ABLIM3: variants seen among roughly 807,000 people sequenced by gnomAD.
ABLIM3 encodes actin-binding LIM protein 3.
ABLIM3 carries 61 observed loss-of-function variants against 109.5 expected under a neutral mutation model. That is an observed-to-expected ratio of 0.56 (90% CI 0.45 to 0.69). The LOEUF (loss-of-function observed/expected upper bound fraction) is 0.69. Among genes scored for constraint, ABLIM3 ranks in the 30% least tolerant of loss-of-function variants. The pLI, the probability that ABLIM3 is intolerant of heterozygous loss-of-function variation, is 0.00. For missense variants in ABLIM3, 796 were observed against 889.5 expected, an observed-to-expected ratio of 0.89 and a Z score of 1.34; for synonymous variants, 300 against 324.8, an observed-to-expected ratio of 0.92 and a Z score of 0.82.
intron 2 of ABLIM3, among the ~76,000 whole-genome samples, chr5:149,175,622 C>A (rs541514267): frequency 6.6e-6 from 1 of 151,860 alleles, no homozygotes; most frequent in Admixed American, 6.6e-5. Flanking sequence ...GAAGGAGGGG[C>A]GGGCAATCCG....
chr5:149,203,740 CCACCAACACTGTCAA>C (rs1758708848), intron 5 of ABLIM3, among the ~76,000 whole-genome samples: 2 of 152,262 alleles, frequency 1.3e-5, no homozygotes, highest in Admixed American at 1.3e-4. Flanking sequence ...ACCATCATCA[CCACCAACACTGTCAA>C]CACCAACAAT....
chr5:149,185,573 T>C (rs529350235), intron 3 of ABLIM3, among the ~76,000 whole-genome samples: 37 of 152,324 alleles, frequency 2.4e-4, no homozygotes, highest in South Asian at 8.3e-4. Flanking sequence ...TTTTCACATT[T>C]ACCACACGGA....
At chr5:149,183,612 T>G (rs1288532417) in intron 3 of ABLIM3, 23 bp downstream of exon 3, 1 of 1,504,456 alleles carries the variant, frequency 6.6e-7, no homozygotes, top group Non-Finnish European at 8.9e-7. Flanking sequence ...GCTCCCCCAC[T>G]CTCTTCTTAG....
At position 149,252,835 on chromosome 5, in the gene ABLIM3, G is replaced by T. The variant is rs1342743222; in HGVS notation, c.1936G>T (p.Glu646Ter). The change falls in exon 23 of 24, where the codon GAG (glutamate) becomes TAG (stop). Residue 646 changes from glutamate (E) to a stop codon, truncating the protein, a stop_gained and splice_region_variant. Coordinates refer to ENST00000309868, the MANE Select transcript of ABLIM3 (RefSeq NM_014945.5). LOFTEE classifies it high-confidence loss of function. ...CAAGGATGTAGACAGGACCCGTTTA[G>T]AGGTAAGTCTAAAAAACTGAGCAGG... ...LPKDVDRTRL[E>*]RHLSQEEFYQ... is the part of the protein sequence containing the mutation. 6.2e-7 allele frequency: 1 copy of T among 1,612,670 alleles called. No homozygotes were observed. Among genetic ancestry groups the T allele is most frequent in the Non-Finnish European group, 8.5e-7 (1 of 1,179,042 alleles).
intron 2 of ABLIM3, among the ~76,000 whole-genome samples, chr5:149,143,811 C>T (rs1752696762): frequency 6.6e-6 from 1 of 152,120 alleles, no homozygotes; most frequent in Admixed American, 6.5e-5. Flanking sequence ...CACATGTTTG[C>T]ATTTGCATGT....
chr5:149,195,869 G>A lies in ABLIM3; in HGVS notation c.152-2350G>A, dbSNP rs148919974. The stretch of plus-strand genomic sequence containing the variant: ...ATCTCCACCACACTCCTGCCTCTTC[G>A]TAGGGGTGGGGTCGGGGGCCACAAG... On this transcript the variant is annotated intron_variant, in intron 3 of 23. Transcript: ENST00000309868. Among the ~76,000 whole-genome samples, 795 of 152,326 alleles carry A rather than the reference G, an allele frequency of 5.2e-3. 15 individuals are homozygous for A. Among genetic ancestry groups the A allele is most frequent in the African/African-American group, 0.018 (741 of 41,584 alleles).
intron 2 of ABLIM3, among the ~76,000 whole-genome samples, chr5:149,146,700 C>T (rs923563884): frequency 3.3e-5 from 5 of 152,130 alleles, no homozygotes; most frequent in African/African-American, 1.2e-4. Context: ...CAGTACCATG[C>T]TGTTTTGGTT....
At chr5:149,188,042 T>A (rs115727229) in intron 3 of ABLIM3, among the ~76,000 whole-genome samples, 7,607 of 152,236 alleles carry the variant, frequency 0.05, 578 homozygotes, top group African/African-American at 0.17. Context: ...AATTTTATAT[T>A]CTAGTGCTAT....
chr5:149,174,021 C>CAAAAAAA (rs57000637), intron 2 of ABLIM3, among the ~76,000 whole-genome samples: 1 of 40,188 alleles, frequency 2.5e-5, no homozygotes, highest in Non-Finnish European at 5.2e-5. Context: ...GACTCCGTCT[C>CAAAAAAA]AAAAAAAAAA....
chr5:149,231,773 C>T (rs541147776), intron 9 of ABLIM3, among the ~76,000 whole-genome samples: 2 of 152,152 alleles, frequency 1.3e-5, no homozygotes, highest in African/African-American at 2.4e-5. Context: ...ATGCCTGTTG[C>T]CATATCTGTG....
intron 15 of ABLIM3, 104 bp downstream of exon 15, chr5:149,242,642 G>A (rs1752968638): frequency 1.6e-6 from 2 of 1,234,062 alleles, no homozygotes; most frequent in African/African-American, 3.0e-5. Flanking sequence ...CAAAACACAA[G>A]GCTGCATCTT....
intron 16 of ABLIM3, among the ~76,000 whole-genome samples, chr5:149,245,751 C>T (rs967317300): frequency 3.9e-5 from 6 of 152,100 alleles, no homozygotes; most frequent in Non-Finnish European, 7.3e-5. Flanking sequence ...AATCATACAA[C>T]CCAAGCTGTT....
rs751532877 is a variant in ABLIM3 at position 149,247,859 on chromosome 5, C to G, written c.1629C>G (p.Thr543=). 1 of 1,614,242 alleles carries G rather than the reference C, an allele frequency of 6.2e-7. No individual in the cohort carries two copies. The highest frequency in any genetic ancestry group is 1.7e-5 in the Admixed American group (1 of 60,028). ...ARSSSYADPW[T]PPRSSTSSRE... is the part of the protein sequence containing the mutation. ...CGAGCTCCTATGCAGATCCCTGGACCCCTCCCCGGAGCTCCACCAGCAGCC... is the reference window on the plus strand; with the variant it reads ...CGAGCTCCTATGCAGATCCCTGGACGCCTCCCCGGAGCTCCACCAGCAGCC... Residue 543 remains threonine (T), a synonymous_variant, in exon 18 of 24, where the codon ACC becomes ACG. Coordinates refer to ENST00000309868, the MANE Select transcript of ABLIM3 (RefSeq NM_014945.5).
chr5:149,192,889 A>G (rs569625891), intron 3 of ABLIM3, among the ~76,000 whole-genome samples: 4 of 152,168 alleles, frequency 2.6e-5, no homozygotes, highest in Non-Finnish European at 5.9e-5. Flanking sequence ...TAGAAAATGT[A>G]AAAGAGAGGA....
At chr5:149,248,608 G>A (rs1156516588) in intron 18 of ABLIM3, among the ~76,000 whole-genome samples, 3 of 150,500 alleles carry the variant, frequency 2.0e-5, no homozygotes, top group Admixed American at 6.6e-5. Flanking sequence ...GGAGAATGGC[G>A]TGAGGCAGGA....
intron 8 of ABLIM3, chr5:149,218,634 C>T (rs1383219726): frequency 6.6e-6 from 1 of 152,206 alleles, no homozygotes; most frequent in Non-Finnish European, 1.5e-5. Context: ...TGTGGAGAGA[C>T]TTTGTTTGGA....
chr5:149,162,887 G>A (rs1018508880), intron 2 of ABLIM3, among the ~76,000 whole-genome samples: 12 of 152,232 alleles, frequency 7.9e-5, no homozygotes, highest in African/African-American at 1.2e-4. Flanking sequence ...TCTAGGACGC[G>A]TAACCCAGCT....
At chr5:149,226,154 A>G (rs1761251340) in intron 8 of ABLIM3, among the ~76,000 whole-genome samples, 1 of 151,384 alleles carries the variant, frequency 6.6e-6, no homozygotes, top group Non-Finnish European at 1.5e-5. Flanking sequence ...GCTGTCATAA[A>G]GGCAGAGGTC....
At position 149,259,106 on chromosome 5, in the gene ABLIM3, C is replaced by T. The variant is rs1384031326; in HGVS notation, c.*702C>T. 2 of 1,012,730 alleles carry T rather than the reference C, an allele frequency of 2.0e-6. No homozygotes were observed. The highest frequency in any genetic ancestry group is 1.7e-5 in the African/African-American group (1 of 57,862). The allele number at this position is 1,012,730 out of a possible 1,614,324, so 62.7% of individuals were successfully genotyped here. A position where few individuals can be genotyped will look rare whatever the true frequency, so the allele number is the denominator to read the frequency against. On this transcript the variant is annotated 3_prime_UTR_variant, in exon 24 of 24. Transcript: ENST00000309868. Reference sequence around the variant, plus strand: ...GAAAAGGCCCTTCCCTTCCCTCCACCACTTCCAACTGGCCCCTTTGCCTGA... The same window carrying T: ...GAAAAGGCCCTTCCCTTCCCTCCACTACTTCCAACTGGCCCCTTTGCCTGA...
Sources: allele counts gnomAD v4.1 joint callset (sites outside exome capture counted in the v4.1 genomes callset), GRCh38; gene constraint gnomAD v4.1.1; transcripts MANE v1.5; gene names NCBI Gene and HGNC (gene_info 2026-07-23, HGNC 2026-07-21).